The following CTXND1 variants were observed in gnomAD, a reference collection of about 807,000 sequenced individuals.
The protein encoded by CTXND1 is cortexin domain-containing 1 protein.
At chr15:80,205,155 T>G (rs917694388) in intron 1 of CTXND1, among the ~76,000 whole-genome samples, 28 of 152,264 alleles carry the variant, frequency 1.8e-4, no homozygotes, top group African/African-American at 6.8e-4. Flanking sequence ...TTGGAGATTA[T>G]TTCATGTCAG....
chr15:80,227,486 T>C (rs1246376417), intron 1 of CTXND1, among the ~76,000 whole-genome samples: 1 of 152,164 alleles, frequency 6.6e-6, no homozygotes, highest in African/African-American at 2.4e-5. Flanking sequence ...TAAGGGCTTA[T>C]TATGGGGTCA....
chr15:80,243,856 T>C (rs541563069), intron 1 of CTXND1, among the ~76,000 whole-genome samples: 105 of 152,260 alleles, frequency 6.9e-4, no homozygotes, highest in African/African-American at 2.5e-3. Flanking sequence ...CCAGCTTAGA[T>C]GGTGTAGTCA....
In CTXND1 at chr15:80,201,576, C is replaced by T. The variant is rs931725984; in HGVS notation, c.*194G>A. ...CCCTGGCTGGTCCATGGTTGCGACA[C>T]CCACGGCACCCGGGCATTCCACGCT... is the stretch of plus-strand genomic sequence containing the variant. On this transcript the variant is annotated 3_prime_UTR_variant, in exon 3 of 3. Coordinates refer to ENST00000560778, the MANE Select transcript of CTXND1 (RefSeq NM_001352888.2). The T allele has an allele frequency of 5.1e-6, 2 of 389,762 alleles. No individual in the cohort carries two copies. The highest frequency in any genetic ancestry group is 4.1e-5 in the African/African-American group (2 of 48,462). 24.1% of individuals were successfully genotyped at this position (389,762 alleles called of 1,614,324 possible). A position where few individuals can be genotyped will look rare whatever the true frequency, so the allele number is the denominator to read the frequency against.
At chr15:80,240,362 G>A (rs547915843) in intron 1 of CTXND1, among the ~76,000 whole-genome samples, 1 of 152,256 alleles carries the variant, frequency 6.6e-6, no homozygotes, top group South Asian at 2.1e-4. Flanking sequence ...GAAGACCAAG[G>A]TCTCCCTCTC....
At chr15:80,205,061 A>T (rs1438947435) in intron 1 of CTXND1, among the ~76,000 whole-genome samples, 3 of 152,178 alleles carry the variant, frequency 2.0e-5, no homozygotes, top group Non-Finnish European at 1.5e-5. Flanking sequence ...ATACAGGAAA[A>T]TATGTATGTT....
chr15:80,235,918 A>G (rs1893490081), intron 1 of CTXND1, among the ~76,000 whole-genome samples: 1 of 151,040 alleles, frequency 6.6e-6, no homozygotes. Flanking sequence ...GAATTAATAT[A>G]CATAAAGCAC....
chr15:80,248,561 C>T (rs573203190), intron 1 of CTXND1, among the ~76,000 whole-genome samples: 1 of 152,302 alleles, frequency 6.6e-6, no homozygotes, highest in South Asian at 2.1e-4. Context: ...TCTGAGGCCT[C>T]GTTCTGGCTC....
chr15:80,230,519 T>C (rs1893416442), intron 1 of CTXND1, among the ~76,000 whole-genome samples: 1 of 152,248 alleles, frequency 6.6e-6, no homozygotes, highest in Non-Finnish European at 1.5e-5. Context: ...CTTTGTTGTA[T>C]ACTTTCTATT....
chr15:80,247,887 G>T (rs1374166687), intron 1 of CTXND1, among the ~76,000 whole-genome samples: 2 of 152,174 alleles, frequency 1.3e-5, no homozygotes, highest in Admixed American at 6.5e-5. Context: ...CTGCCATACT[G>T]TTAATGCTGT....
chr15:80,212,304 G>C (rs1042381347), intron 1 of CTXND1, among the ~76,000 whole-genome samples: 1 of 152,100 alleles, frequency 6.6e-6, no homozygotes, highest in African/African-American at 2.4e-5. Context: ...GTCTGCTTTG[G>C]GGTAACCTGA....
intron 1 of CTXND1, among the ~76,000 whole-genome samples, chr15:80,221,000 C>T (rs1316588829): frequency 6.6e-6 from 1 of 151,592 alleles, no homozygotes; most frequent in African/African-American, 2.4e-5. Context: ...GCTCCGCCTC[C>T]CGGGTTCACG....
chr15:80,237,736 C>T (rs924686621), intron 1 of CTXND1, among the ~76,000 whole-genome samples: 1 of 152,150 alleles, frequency 6.6e-6, no homozygotes, highest in African/African-American at 2.4e-5. Flanking sequence ...ACACTGGGTG[C>T]AGTGGCTCAC....
rs1325155392 is a variant in CTXND1, at chr15:80,252,204, A to AGG, written c.-417_-416dup. ...GGGCGAGCCCGGGCCAGCAGCCGAGAGGGGGCTCTGAGCGGAGCCGCGGCC... is the reference window on the plus strand; with the variant it reads ...GGGCGAGCCCGGGCCAGCAGCCGAGAGGGGGGGCTCTGAGCGGAGCCGCGGCC... On this transcript the variant is annotated 5_prime_UTR_variant, in exon 1 of 3. Transcript: ENST00000560778. 1.3e-5 allele frequency: 2 copies of AGG among 151,808 alleles called. No individual in the cohort carries two copies. The highest frequency in any genetic ancestry group is 4.8e-5 in the African/African-American group (2 of 41,376). 9.4% of individuals were successfully genotyped at this position (151,808 alleles called of 1,614,324 possible).
At chr15:80,220,940 G>C (rs754500375) in intron 1 of CTXND1, among the ~76,000 whole-genome samples, 2 of 146,412 alleles carry the variant, frequency 1.4e-5, no homozygotes, top group African/African-American at 5.0e-5. Context: ...ACAGAGTCTC[G>C]CTCTGTCGCC....
At chr15:80,248,139 C>T (rs1893655636) in intron 1 of CTXND1, among the ~76,000 whole-genome samples, 1 of 152,196 alleles carries the variant, frequency 6.6e-6, no homozygotes, top group Non-Finnish European at 1.5e-5. Flanking sequence ...CATTGCTGTG[C>T]CAGCCTAGAC....
chr15:80,213,280 T>C (rs1486666962), intron 1 of CTXND1, among the ~76,000 whole-genome samples: 1 of 152,208 alleles, frequency 6.6e-6, no homozygotes, highest in Non-Finnish European at 1.5e-5. Context: ...GAGGTGAATA[T>C]ATGTAGCATA....
At chr15:80,250,865 C>G (rs971749455) in intron 1 of CTXND1, among the ~76,000 whole-genome samples, 2 of 152,198 alleles carry the variant, frequency 1.3e-5, no homozygotes, top group African/African-American at 4.8e-5. Context: ...CAGATTATTA[C>G]AATTCCTCTC....
rs550621135 is a variant in CTXND1 at position 80,238,720 on chromosome 15, C to T, written c.-218+13287G>A. 3.3e-5 allele frequency among the ~76,000 whole-genome samples: 5 copies of T among 152,294 alleles called. No individual in the cohort carries two copies. The East Asian group carries it at 7.7e-4, about 24-fold the overall frequency. On this transcript the variant is annotated intron_variant, in intron 1 of 2. Transcript: ENST00000560778. ...TCGATCTCCTGACCTCGTGATCCACCCGCCTTGGCCTCCCAAAGTGCTGGG... is the reference window on the plus strand; with the variant it reads ...TCGATCTCCTGACCTCGTGATCCACTCGCCTTGGCCTCCCAAAGTGCTGGG...
chr15:80,249,030 G>A (rs1378256201), intron 1 of CTXND1, among the ~76,000 whole-genome samples: 1 of 151,744 alleles, frequency 6.6e-6, no homozygotes, highest in African/African-American at 2.4e-5. Context: ...ACAGTTCACT[G>A]CAGCCTTGAA....
Sources: allele counts gnomAD v4.1 joint callset (sites outside exome capture counted in the v4.1 genomes callset), GRCh38; gene constraint gnomAD v4.1.1; transcripts MANE v1.5; gene names NCBI Gene and HGNC (gene_info 2026-07-23, HGNC 2026-07-21).